The following HPSE2 variants were observed in gnomAD, a reference collection of about 807,000 sequenced individuals.
The protein encoded by HPSE2 is inactive heparanase-2.
A neutral mutation model predicts 60.5 loss-of-function variants in HPSE2; 38 were observed. That is an observed-to-expected ratio of 0.63 (90% CI 0.48 to 0.82). The LOEUF (loss-of-function observed/expected upper bound fraction) is 0.82, where lower values mean the gene tolerates loss of function less well. Ranked by LOEUF, HPSE2 falls within the 40% of genes least tolerant of loss-of-function variation. The pLI is 0.00. For synonymous variants in HPSE2, 295 were observed against 293.2 expected (o/e 1.01, Z -0.06); for missense variants, 713 against 740.4 (o/e 0.96, Z 0.43).
chr10:98,696,742 G>A lies in HPSE2; in HGVS notation c.957-2795C>T, dbSNP rs115028824. On this transcript the variant is annotated intron_variant, in intron 5 of 11. Transcript: ENST00000370552. ...CCTTTGAGCTCCTTAGGGGAGGGGC[G>A]ACAGCCAACTCTGGGACCCATAGCT... 9.0e-3 allele frequency among the ~76,000 whole-genome samples: 1,373 copies of A among 152,238 alleles called. 21 individuals are homozygous for A. Among genetic ancestry groups the A allele is most frequent in the African/African-American group, 0.031 (1,284 of 41,546 alleles).
At chr10:99,269,288 T>G in the HPSE2 span, among the ~76,000 whole-genome samples, 3 of 152,176 alleles carry the variant, frequency 2.0e-5, no homozygotes, top group Non-Finnish European at 4.4e-5. Context: ...ACACTGAAAG[T>G]AAGCAGAAGT....
chr10:98,524,557 A>G (rs1369303158), intron 9 of HPSE2, among the ~76,000 whole-genome samples: 2 of 152,184 alleles, frequency 1.3e-5, no homozygotes, highest in Non-Finnish European at 2.9e-5. Context: ...TTAGCCAACC[A>G]CTTTTGCTGA....
chr10:98,735,006 A>T (rs1949315912), intron 4 of HPSE2, among the ~76,000 whole-genome samples: 1 of 151,850 alleles, frequency 6.6e-6, no homozygotes, highest in Non-Finnish European at 1.5e-5. Flanking sequence ...CATCATTATT[A>T]ACTGAAATCC....
At chr10:99,024,704 G>A (rs1360258687) in intron 3 of HPSE2, among the ~76,000 whole-genome samples, 2 of 152,026 alleles carry the variant, frequency 1.3e-5, no homozygotes, top group Non-Finnish European at 2.9e-5. Context: ...TATACGACAT[G>A]TCTAATAGCA....
intron 3 of HPSE2, among the ~76,000 whole-genome samples, chr10:98,919,447 C>T (rs1954218985): frequency 6.6e-6 from 1 of 152,036 alleles, no homozygotes; most frequent in African/African-American, 2.4e-5. Flanking sequence ...GGAAATTATA[C>T]AGAAGGCAAA....
chr10:99,071,069 C>CTTTTTT (rs35699449), intron 3 of HPSE2, among the ~76,000 whole-genome samples: 1 of 132,594 alleles, frequency 7.5e-6, no homozygotes, highest in Non-Finnish European at 1.6e-5. Flanking sequence ...ATTTTTAATT[C>CTTTTTT]TTTTTTTTTT....
rs146515311 is a variant in HPSE2 at position 98,713,882 on chromosome 10, T to C, written c.956+7775A>G. ...TTTACCTCTCCATTTATTATTCTAA[T>C]AGTTTAGACAATATTTTCTGAATCA... On this transcript the variant is annotated intron_variant, in intron 5 of 11. Coordinates refer to ENST00000370552, the MANE Select transcript of HPSE2 (RefSeq NM_021828.5). 3.1e-3 allele frequency among the ~76,000 whole-genome samples: 477 copies of C among 152,044 alleles called. 5 individuals are homozygous for C. Among genetic ancestry groups the C allele is most frequent in the East Asian group, 0.013 (67 of 5,180 alleles).
At chr10:99,243,509 C>T in the HPSE2 span, among the ~76,000 whole-genome samples, 1 of 152,136 alleles carries the variant, frequency 6.6e-6, no homozygotes, top group African/African-American at 2.4e-5. Context: ...TTGCCTTTCA[C>T]ATGTTCTATA....
At chr10:98,603,586 T>A (rs1240314454) in intron 9 of HPSE2, among the ~76,000 whole-genome samples, 3 of 151,766 alleles carry the variant, frequency 2.0e-5, no homozygotes, top group Non-Finnish European at 2.9e-5. Context: ...CACACCACCA[T>A]GCCAGGCTAA....
chr10:98,903,762 G>A (rs894044551), intron 3 of HPSE2, among the ~76,000 whole-genome samples: 3 of 152,064 alleles, frequency 2.0e-5, no homozygotes, highest in African/African-American at 7.2e-5. Flanking sequence ...AAAGTACAAA[G>A]TCAAATAAGA....
At chr10:98,800,180 C>T (rs1480226625) in intron 3 of HPSE2, among the ~76,000 whole-genome samples, 1 of 151,690 alleles carries the variant, frequency 6.6e-6, no homozygotes, top group Non-Finnish European at 1.5e-5. Flanking sequence ...CCAGCCTGGG[C>T]AAAATGGCGA....
intron 9 of HPSE2, among the ~76,000 whole-genome samples, chr10:98,533,776 G>A (rs373942520): frequency 6.6e-6 from 1 of 152,260 alleles, no homozygotes; most frequent in African/African-American, 2.4e-5. Context: ...TTTGAAAATC[G>A]GACAGAACAA....
At chr10:98,925,364 CT>C (rs111785284) in intron 3 of HPSE2, among the ~76,000 whole-genome samples, 130 of 147,478 alleles carry the variant, frequency 8.8e-4, no homozygotes, top group South Asian at 6.0e-3. Context: ...TTTTAATTGG[CT>C]TTTTTTTTTT....
At chr10:99,112,824 T>C (rs2135683671) in intron 3 of HPSE2, among the ~76,000 whole-genome samples, 1 of 152,326 alleles carries the variant, frequency 6.6e-6, no homozygotes, top group South Asian at 2.1e-4. Flanking sequence ...ATGGTTGCAT[T>C]TCTCTTCTTC....
At chr10:99,046,979 T>G (rs920135160) in intron 3 of HPSE2, among the ~76,000 whole-genome samples, 1 of 152,056 alleles carries the variant, frequency 6.6e-6, no homozygotes, top group Non-Finnish European at 1.5e-5. Flanking sequence ...AAAATTCATA[T>G]GGAATAACAA....
At chr10:98,805,610 G>A (rs1204339017) in intron 3 of HPSE2, among the ~76,000 whole-genome samples, 1 of 151,924 alleles carries the variant, frequency 6.6e-6, no homozygotes, top group Non-Finnish European at 1.5e-5. Flanking sequence ...CACTGTTAAT[G>A]ATAAGAAATA....
At chr10:98,827,363 G>T (rs575538367) in intron 3 of HPSE2, among the ~76,000 whole-genome samples, 2 of 151,846 alleles carry the variant, frequency 1.3e-5, no homozygotes, top group Non-Finnish European at 2.9e-5. Flanking sequence ...GCACCACCAC[G>T]CCCGGCTAAT....
chr10:98,600,897 A>ATACG (rs1945392184), intron 9 of HPSE2, among the ~76,000 whole-genome samples: 1 of 40,804 alleles, frequency 2.5e-5, no homozygotes, highest in South Asian at 1.0e-3. Context: ...ATATACGTAT[A>ATACG]TATATGTGTG....
chr10:99,076,183 T>C (rs749075424), intron 3 of HPSE2, among the ~76,000 whole-genome samples: 1 of 152,068 alleles, frequency 6.6e-6, no homozygotes, highest in South Asian at 2.1e-4. Context: ...TGATATACTT[T>C]GGTTCTTTTT....
Sources: gnomAD v4.1 joint callset for allele counts (sites outside exome capture counted in the v4.1 genomes callset) on GRCh38, gnomAD v4.1.1 for gene constraint, MANE v1.5 for transcripts, NCBI Gene and HGNC (gene_info 2026-07-23, HGNC 2026-07-21) for gene names.